Variants in SDK1 observed in about 807,000 individuals in gnomAD.
The protein encoded by SDK1 is sidekick cell adhesion molecule 1.
Under a neutral mutation model 245.5 loss-of-function variants are expected in SDK1, and 157 were observed. That is an observed-to-expected ratio of 0.64 (90% CI 0.56 to 0.73). The LOEUF (loss-of-function observed/expected upper bound fraction) is 0.73, where lower values mean the gene tolerates loss of function less well. Among genes scored for constraint, SDK1 ranks in the 30% least tolerant of loss-of-function variants. The pLI, the probability that SDK1 is intolerant of heterozygous loss-of-function variation, is 0.00. For missense variants in SDK1, 3,583 were observed against 3,002.3 expected, an observed-to-expected ratio of 1.19 and a Z score of -4.52; for synonymous variants, 1,647 against 1,278.5, an observed-to-expected ratio of 1.29 and a Z score of -6.15.
At chr7:3,475,991 A>G (rs912204100) in intron 1 of SDK1, 4 of 152,626 alleles carry the variant, frequency 2.6e-5, no homozygotes, top group Non-Finnish European at 4.4e-5. Flanking sequence ...CTTCCTGCTT[A>G]TTATCTTTTG....
chr7:4,250,713 G>T (rs1280885075), intron 44 of SDK1, among the ~76,000 whole-genome samples: 1 of 152,150 alleles, frequency 6.6e-6, no homozygotes, highest in Admixed American at 6.5e-5. Context: ...ATTTGGAAAG[G>T]CTGCCATCTT....
At chr7:4,048,924 C>T (rs1789231057) in intron 17 of SDK1, among the ~76,000 whole-genome samples, 1 of 152,120 alleles carries the variant, frequency 6.6e-6, no homozygotes, top group South Asian at 2.1e-4. Context: ...TTGTTCCCCA[C>T]CCCCCGCCTC....
intron 2 of SDK1, among the ~76,000 whole-genome samples, chr7:3,622,669 CAAG>C (rs1455152665): frequency 6.6e-6 from 1 of 152,100 alleles, no homozygotes; most frequent in Admixed American, 6.5e-5. Flanking sequence ...ATTGGAAACA[CAAG>C]AAGACAAAAC....
At chr7:3,735,217 A>C (rs1040683122) in intron 4 of SDK1, among the ~76,000 whole-genome samples, 2 of 152,170 alleles carry the variant, frequency 1.3e-5, no homozygotes, top group Non-Finnish European at 2.9e-5. Flanking sequence ...CATTTTATAT[A>C]TAATTCAATA....
intron 6 of SDK1, 50 bp from the exon 7 acceptor site, chr7:3,951,680 C>G: frequency 6.4e-7 from 1 of 1,551,114 alleles, no homozygotes; most frequent in South Asian, 1.1e-5. Context: ...ATGACCGTTG[C>G]CACCTCCCTG....
At chr7:3,724,293 T>C (rs1778944374) in intron 4 of SDK1, among the ~76,000 whole-genome samples, 1 of 151,872 alleles carries the variant, frequency 6.6e-6, no homozygotes, top group Non-Finnish European at 1.5e-5. Context: ...TAGTTATCAG[T>C]CAGGAGCAGG....
chr7:3,809,649 G>A (rs1048101439), intron 4 of SDK1, among the ~76,000 whole-genome samples: 1 of 152,180 alleles, frequency 6.6e-6, no homozygotes, highest in Non-Finnish European at 1.5e-5. Context: ...TAATTTTCTA[G>A]TATTCCTCTG....
chr7:3,972,716 A>G (rs1583683714), intron 12 of SDK1, among the ~76,000 whole-genome samples: 1 of 152,248 alleles, frequency 6.6e-6, no homozygotes, highest in African/African-American at 2.4e-5. Flanking sequence ...GTGGGTGCAC[A>G]GTCAGCAGCG....
At chr7:4,005,147 G>A (rs1310702662) in intron 14 of SDK1, among the ~76,000 whole-genome samples, 2 of 145,380 alleles carry the variant, frequency 1.4e-5, no homozygotes, top group African/African-American at 2.6e-5. Context: ...CTGGGTTCAA[G>A]CGATTCTCCT....
At chr7:3,305,845 C>T (rs1234263646) in intron 1 of SDK1, among the ~76,000 whole-genome samples, 1 of 152,154 alleles carries the variant, frequency 6.6e-6, no homozygotes. Flanking sequence ...CCTTTACGTG[C>T]CAAGCACTAA....
chr7:4,124,892 GTGGATGGA>G (rs144959988), intron 25 of SDK1, among the ~76,000 whole-genome samples: 3 of 150,328 alleles, frequency 2.0e-5, no homozygotes, highest in African/African-American at 4.9e-5. Flanking sequence ...GAATGGATGG[GTGGATGGA>G]TGGATGGATG....
intron 4 of SDK1, among the ~76,000 whole-genome samples, chr7:3,774,842 A>G (rs550423634): frequency 5.9e-5 from 9 of 152,212 alleles, no homozygotes; most frequent in Non-Finnish European, 1.2e-4. Flanking sequence ...CCATGATCCT[A>G]CAAGTCTGAC....
chr7:4,000,619 T>C (rs1269999702), intron 14 of SDK1, among the ~76,000 whole-genome samples: 2 of 152,224 alleles, frequency 1.3e-5, no homozygotes, highest in African/African-American at 4.8e-5. Flanking sequence ...GCACAATCTG[T>C]TCAACATCTC....
intron 26 of SDK1, among the ~76,000 whole-genome samples, chr7:4,127,944 C>T (rs989472718): frequency 3.3e-5 from 5 of 152,184 alleles, no homozygotes; most frequent in Non-Finnish European, 5.9e-5. Flanking sequence ...TGAGGTGGAT[C>T]GCTGTGTGCA....
At chr7:4,129,429 A>G (rs72569241) in intron 26 of SDK1, among the ~76,000 whole-genome samples, 11,169 of 74,830 alleles carry the variant, frequency 0.15, 1,710 homozygotes, top group East Asian at 0.59. Flanking sequence ...GGGGTGGGGT[A>G]CCTACAGCAT....
intron 35 of SDK1, among the ~76,000 whole-genome samples, chr7:4,204,210 G>A (rs373094810): frequency 6.6e-6 from 1 of 152,236 alleles, no homozygotes; most frequent in African/African-American, 2.4e-5. Flanking sequence ...GTTGCCGATG[G>A]CAAACATGCA....
intron 1 of SDK1, among the ~76,000 whole-genome samples, chr7:3,341,375 A>G (rs1394980954): frequency 2.0e-5 from 3 of 152,138 alleles, no homozygotes; most frequent in Non-Finnish European, 1.5e-5. Context: ...CATCTAACAA[A>G]AGCCTTCTCC....
Position 3,848,903 on chromosome 7 carries a change from C to G in SDK1, c.847+27320C>G, listed in dbSNP as rs1335712029. 2.0e-5 allele frequency among the ~76,000 whole-genome samples: 3 copies of G among 152,314 alleles called. 1 individual carries two copies. Among genetic ancestry groups the G allele is most frequent in the African/African-American group, 7.2e-5 (3 of 41,566 alleles). On this transcript the variant is annotated intron_variant, in intron 5 of 44. Transcript: ENST00000404826. The stretch of plus-strand genomic sequence containing the variant: ...ACCAGGCTGGTCTCGAACTCCTGAC[C>G]TTATGATCCGCCCACCTCGGCCTCC...
intron 4 of SDK1, among the ~76,000 whole-genome samples, chr7:3,654,063 C>T (rs576005421): frequency 1.9e-4 from 29 of 152,220 alleles, no homozygotes; most frequent in African/African-American, 6.0e-4. Context: ...TGGCAGTGCA[C>T]GTAGCTGTCT....
Sources: gnomAD v4.1 joint callset for allele counts (sites outside exome capture counted in the v4.1 genomes callset) on GRCh38, gnomAD v4.1.1 for gene constraint, MANE v1.5 for transcripts, NCBI Gene and HGNC (gene_info 2026-07-23, HGNC 2026-07-21) for gene names.